Variants in PITPNM2 observed in about 807,000 individuals in gnomAD.
The protein encoded by PITPNM2 is membrane-associated phosphatidylinositol transfer protein 2.
PITPNM2 carries 35 observed loss-of-function variants against 132.2 expected under a neutral mutation model. That is an observed-to-expected ratio of 0.26 (90% CI 0.20 to 0.35). PITPNM2 has a LOEUF of 0.35. PITPNM2 is among the 10% of genes least tolerant of loss of function. The pLI is 1.00. For synonymous variants in PITPNM2, 738 were observed against 799.2 expected, an observed-to-expected ratio of 0.92 and a Z score of 1.29; for missense variants, 1,332 against 1,912.0, an observed-to-expected ratio of 0.70 and a Z score of 5.66.
In PITPNM2 at chr12:122,990,703, A is replaced by G; in HGVS notation, c.2411T>C (p.Val804Ala). The change falls in exon 17 of 26, where the codon GTG becomes GCG. Residue 804 changes from valine to alanine, a missense_variant. Transcript: ENST00000320201. ...GAAGGCTGCATTGTGGGTCTGGAGC[A>G]CATCCGCTGCAGGTGGACAGGGACC... ...GDGCSTLLAD[V>A]LQTHNAAFQE... is the part of the protein sequence containing the mutation. The G allele has an allele frequency of 6.2e-7, 1 of 1,605,092 alleles. No individual in the cohort carries two copies. Among genetic ancestry groups the G allele is most frequent in the Non-Finnish European group, 8.5e-7 (1 of 1,176,090 alleles).
intron 17 of PITPNM2, 90 bp from the exon 18 acceptor site, chr12:122,990,038 GC>G: frequency 9.1e-7 from 1 of 1,093,644 alleles, no homozygotes; most frequent in Non-Finnish European, 1.2e-6. Flanking sequence ...CTGGGACAGT[GC>G]CAGGCCTGGA....
Position 123,125,244 on chromosome 12 carries a change from T to C in PITPNM2, c.-199-14756A>G, listed in dbSNP as rs1000812569. Among the ~76,000 whole-genome samples the C allele has an allele frequency of 3.9e-5, 6 of 152,196 alleles. No homozygotes were observed. The East Asian group carries it at 7.7e-4, about 20-fold the overall frequency. On this transcript the variant is annotated intron_variant, in intron 1 of 25. Coordinates refer to ENST00000320201, the MANE Select transcript of PITPNM2 (RefSeq NM_020845.3). ...CAAATGTTAAATGTTTTTTAGTAAG[T>C]GAAAGAATGAATGAGTAAATGATTC...
At chr12:123,014,442 G>A (rs569404265) in intron 3 of PITPNM2, among the ~76,000 whole-genome samples, 26 of 152,202 alleles carry the variant, frequency 1.7e-4, no homozygotes, top group Admixed American at 5.9e-4. Context: ...ATTGGGTCAC[G>A]CCTATAATCC....
intron 2 of PITPNM2, among the ~76,000 whole-genome samples, chr12:123,052,620 A>C: frequency 6.6e-6 from 1 of 152,178 alleles, no homozygotes; most frequent in Non-Finnish European, 1.5e-5. Flanking sequence ...GCCTTGTCTC[A>C]ATCAATAACA....
chr12:123,104,604 C>A lies in PITPNM2; in HGVS notation c.-96+5781G>T, dbSNP rs530248273. On this transcript the variant is annotated intron_variant, in intron 2 of 25. Coordinates refer to ENST00000320201, the MANE Select transcript of PITPNM2 (RefSeq NM_020845.3). ...CCCCCACTGAGCACCTTGCGACCCC[C>A]ACTCCTGCCCGCCAGAGAACAAACC... Among the ~76,000 whole-genome samples the A allele has an allele frequency of 3.3e-5, 5 of 152,256 alleles. No individual in the cohort carries two copies. The East Asian group carries it at 7.7e-4, about 23-fold the overall frequency.
At position 122,988,123 on chromosome 12, in the gene PITPNM2, G is replaced by A. The variant is rs1208040073; in HGVS notation, c.2997+111C>T. The stretch of plus-strand genomic sequence containing the variant: ...GCTGACAGCTCCAACCTCATGGCCT[G>A]GGAAGGTACATAAGACTGCAGGCTT... On this transcript the variant is annotated intron_variant, in intron 20 of 25. Transcript: ENST00000320201. The A allele has an allele frequency of 4.0e-6, 4 of 1,007,752 alleles. No homozygotes were observed. The Admixed American group carries it at 7.3e-5, about 18-fold the overall frequency. The allele number at this position is 1,007,752 out of a possible 1,614,324, so 62.4% of individuals were successfully genotyped here.
chr12:123,027,047 G>A (rs1205548006), intron 3 of PITPNM2, among the ~76,000 whole-genome samples: 2 of 152,114 alleles, frequency 1.3e-5, no homozygotes, highest in African/African-American at 4.8e-5. Flanking sequence ...TGGGGTGAGT[G>A]CCCACAATGG....
intron 1 of PITPNM2, among the ~76,000 whole-genome samples, chr12:123,140,392 A>G (rs946417366): frequency 3.3e-5 from 5 of 152,250 alleles, no homozygotes; most frequent in African/African-American, 1.2e-4. Context: ...CTGTTGCCCT[A>G]TTCATGAGGT....
At chr12:123,139,500 CAA>C (rs549346988) in intron 1 of PITPNM2, among the ~76,000 whole-genome samples, 5 of 102,558 alleles carry the variant, frequency 4.9e-5, no homozygotes, top group Non-Finnish European at 6.1e-5. Context: ...GATTACCTCT[CAA>C]AAAAAAAAAA....
chr12:123,119,128 G>A (rs191696021), intron 1 of PITPNM2, among the ~76,000 whole-genome samples: 283 of 152,246 alleles, frequency 1.9e-3, no homozygotes, highest in Non-Finnish European at 2.7e-3. Flanking sequence ...GGACTCAAGT[G>A]ATCCAACAAG....
At chr12:123,014,436 G>A (rs548418753) in intron 3 of PITPNM2, among the ~76,000 whole-genome samples, 1 of 152,306 alleles carries the variant, frequency 6.6e-6, no homozygotes, top group Non-Finnish European at 1.5e-5. Context: ...GGGCACATTG[G>A]GTCACGCCTA....
In PITPNM2 at chr12:123,010,210, G is replaced by C. The variant is rs1163998054; in HGVS notation, c.416-133C>G. Reference sequence around the variant, plus strand: ...CTGCCAGAGGGACCCTGGGAGTGAGGATCATGTTCTGGGCAGCTCTGACCT... The same window carrying C: ...CTGCCAGAGGGACCCTGGGAGTGAGCATCATGTTCTGGGCAGCTCTGACCT... On this transcript the variant is annotated intron_variant, in intron 5 of 25. Coordinates refer to ENST00000320201, the MANE Select transcript of PITPNM2 (RefSeq NM_020845.3). The C allele has an allele frequency of 5.6e-6, 4 of 715,604 alleles. No individual in the cohort carries two copies. The Admixed American group carries it at 8.0e-5, about 14-fold the overall frequency. 44.3% of individuals were successfully genotyped at this position (715,604 alleles called of 1,614,324 possible). A position where few individuals can be genotyped will look rare whatever the true frequency, so the allele number is the denominator to read the frequency against.
chr12:123,039,136 G>A (rs941187710), intron 2 of PITPNM2, among the ~76,000 whole-genome samples: 1 of 152,110 alleles, frequency 6.6e-6, no homozygotes, highest in African/African-American at 2.4e-5. Flanking sequence ...CCCCTGGCAC[G>A]GCCGGGCTGC....
chr12:123,030,610 G>A (rs1394568338), intron 3 of PITPNM2, among the ~76,000 whole-genome samples: 1 of 151,708 alleles, frequency 6.6e-6, no homozygotes, highest in East Asian at 1.9e-4. Flanking sequence ...GGAGAATGGC[G>A]TGAACCCGGG....
chr12:123,033,071 G>C (rs1566258389), intron 3 of PITPNM2, among the ~76,000 whole-genome samples: 1 of 152,246 alleles, frequency 6.6e-6, no homozygotes. Context: ...GCCAGTGATG[G>C]GAGGTGGAGG....
Position 123,005,567 on chromosome 12 carries a change from A to G in PITPNM2, c.644-19T>C. The G allele has an allele frequency of 6.2e-7, 1 of 1,603,590 alleles. No individual in the cohort carries two copies. Among genetic ancestry groups the G allele is most frequent in the Non-Finnish European group, 8.5e-7 (1 of 1,174,020 alleles). ...CGTAGTCCTGTGCCCCATGGGGATC[A>G]GAGAGGGAGAGACGAGGGGAGGGAG... On this transcript the variant is annotated intron_variant, in intron 6 of 25. Transcript: ENST00000320201. The surrounding 1 kb of genome is among the most constrained non-coding windows in gnomAD (Gnocchi z 6.2).
In PITPNM2 at chr12:122,990,632, G is replaced by A. The variant is rs376647561; in HGVS notation, c.2482C>T (p.Arg828Cys). The A allele has an allele frequency of 3.8e-5, 61 of 1,612,134 alleles. 1 individual carries two copies. The highest frequency in any genetic ancestry group is 3.4e-4 in the South Asian group (31 of 91,070). The change falls in exon 17 of 26, where the codon CGT becomes TGT. Residue 828 changes from arginine (R) to cysteine (C), a missense_variant. Transcript: ENST00000320201. ...ATCTCACTGGCTCGGCGGAAGCCAC[G>A]ACTGGCAGGGGCAGTGCCCGGCGAG... The part of the protein sequence containing the change: ...PSSPGTAPAS[R>C]GFRRASEISI...
At chr12:122,986,884 GT>G in intron 23 of PITPNM2, 55 bp from the exon 24 acceptor site, 1 of 1,528,620 alleles carries the variant, frequency 6.5e-7, no homozygotes, top group Non-Finnish European at 8.8e-7. Flanking sequence ...GGGCCTCCCT[GT>G]CTCCTGCCCA....
At chr12:123,056,097 C>T (rs2136703155) in intron 2 of PITPNM2, among the ~76,000 whole-genome samples, 1 of 152,306 alleles carries the variant, frequency 6.6e-6, no homozygotes. Flanking sequence ...CCCAGTTGGG[C>T]TTCCTTGAGT....
Sources: allele counts gnomAD v4.1 joint callset (sites outside exome capture counted in the v4.1 genomes callset), GRCh38; gene constraint gnomAD v4.1.1; non-coding constraint Gnocchi (gnomAD v3.1); transcripts MANE v1.5; gene names NCBI Gene and HGNC (gene_info 2026-07-23, HGNC 2026-07-21).